MUSK: variants seen among roughly 807,000 people sequenced by gnomAD.
The protein encoded by MUSK is muscle associated receptor tyrosine kinase.
Under a neutral mutation model 88.7 loss-of-function variants are expected in MUSK, and 55 were observed. That is an observed-to-expected ratio of 0.62 (90% CI 0.50 to 0.78). The LOEUF (loss-of-function observed/expected upper bound fraction) is 0.78, where lower values mean the gene tolerates loss of function less well. MUSK is among the 30% of genes least tolerant of loss of function. The pLI is 0.00. For missense variants in MUSK, 1,015 were observed against 1,074.3 expected (o/e 0.94, Z 0.77); for synonymous variants, 387 against 391.9 (o/e 0.99, Z 0.15).
At chr9:110,756,841 G>A (rs183792300) in intron 7 of MUSK, among the ~76,000 whole-genome samples, 1 of 150,022 alleles carries the variant, frequency 6.7e-6, no homozygotes, top group Non-Finnish European at 1.5e-5. Flanking sequence ...ATGTCAAGTT[G>A]TATGTGTGTG....
At chr9:110,725,391 T>C (rs1587958388) in intron 5 of MUSK, among the ~76,000 whole-genome samples, 1 of 152,168 alleles carries the variant, frequency 6.6e-6, no homozygotes, top group Admixed American at 6.6e-5. Context: ...GATTTTGATT[T>C]ACAGATATTC....
At position 110,787,761 on chromosome 9, in the gene MUSK, C is replaced by T; in HGVS notation, c.1850C>T (p.Ala617Val). 6 of 1,613,830 alleles carry T rather than the reference C, an allele frequency of 3.7e-6. No individual in the cohort carries two copies. The highest frequency in any genetic ancestry group is 5.1e-6 in the Non-Finnish European group (6 of 1,179,814). Residue 617 changes from alanine to valine, a missense_variant, in exon 14 of 15, where the codon GCA becomes GTA. Physicochemically the swap from Ala to Val is moderately conservative, Grantham distance 64. Coordinates refer to ENST00000374448, the MANE Select transcript of MUSK (RefSeq NM_005592.4). The part of the protein sequence containing the change: ...AVKMLKEEAS[A>V]DMQADFQREA... ...AAGATGCTCAAAGAAGAAGCCTCGGCAGATATGCAAGCGGACTTTCAGAGG... is the reference window on the plus strand; with the variant it reads ...AAGATGCTCAAAGAAGAAGCCTCGGTAGATATGCAAGCGGACTTTCAGAGG...
chr9:110,740,520 C>A (rs1228352633), intron 6 of MUSK, among the ~76,000 whole-genome samples: 1 of 152,034 alleles, frequency 6.6e-6, no homozygotes, highest in African/African-American at 2.4e-5. Context: ...CTTTTATAGA[C>A]CATTATAAGG....
chr9:110,706,583 C>T (rs926837159), intron 5 of MUSK, among the ~76,000 whole-genome samples: 3 of 152,114 alleles, frequency 2.0e-5, no homozygotes, highest in Non-Finnish European at 4.4e-5. Flanking sequence ...GGCAGTGGAA[C>T]ATGCTGATTT....
chr9:110,711,731 G>A (rs2076674057), intron 5 of MUSK, among the ~76,000 whole-genome samples: 1 of 152,098 alleles, frequency 6.6e-6, no homozygotes. Context: ...TGATGCACCT[G>A]TGTAAAGAAC....
intron 1 of MUSK, among the ~76,000 whole-genome samples, chr9:110,680,217 C>T (rs1431784749): frequency 2.6e-5 from 4 of 152,000 alleles, no homozygotes; most frequent in African/African-American, 7.2e-5. Flanking sequence ...TAGCCTATTG[C>T]CTTTTGGTAT....
At chr9:110,708,580 G>A (rs1192578505) in intron 5 of MUSK, among the ~76,000 whole-genome samples, 2 of 152,154 alleles carry the variant, frequency 1.3e-5, no homozygotes, top group Non-Finnish European at 2.9e-5. Context: ...TGATTTAATA[G>A]GATGCATGTT....
At chr9:110,709,321 G>A (rs141111752) in intron 5 of MUSK, among the ~76,000 whole-genome samples, 5 of 152,120 alleles carry the variant, frequency 3.3e-5, no homozygotes, top group African/African-American at 1.2e-4. Context: ...TTAATATAGT[G>A]GTTAATAACA....
chr9:110,678,404 A>G (rs1194870594), intron 1 of MUSK, among the ~76,000 whole-genome samples: 1 of 152,058 alleles, frequency 6.6e-6, no homozygotes, highest in Non-Finnish European at 1.5e-5. Context: ...TCAGCCTCCC[A>G]AAGTGTTGAG....
intron 5 of MUSK, among the ~76,000 whole-genome samples, chr9:110,715,122 G>A (rs1368739651): frequency 6.7e-6 from 1 of 149,702 alleles, no homozygotes; most frequent in Non-Finnish European, 1.5e-5. Context: ...TTCTCCCTTT[G>A]AAGTCCGCTA....
chr9:110,790,894 G>A (rs939846584), intron 14 of MUSK, among the ~76,000 whole-genome samples: 3 of 152,196 alleles, frequency 2.0e-5, no homozygotes, highest in Non-Finnish European at 2.9e-5. Flanking sequence ...GCATAGACTC[G>A]TTAAGAGGAG....
intron 1 of MUSK, among the ~76,000 whole-genome samples, chr9:110,677,803 A>G (rs1051657003): frequency 1.1e-4 from 16 of 152,164 alleles, no homozygotes; most frequent in African/African-American, 3.9e-4. Context: ...TTCCGACTCT[A>G]CTAATGGTTT....
intron 7 of MUSK, 85 bp from the exon 8 acceptor site, chr9:110,762,117 C>A: frequency 8.4e-6 from 10 of 1,196,164 alleles, no homozygotes; most frequent in South Asian, 2.8e-5. Flanking sequence ...CAATCTCAGC[C>A]AAAGCATAAG....
chr9:110,674,613 T>A (rs531773668), intron 1 of MUSK, among the ~76,000 whole-genome samples: 28 of 151,968 alleles, frequency 1.8e-4, no homozygotes, highest in Admixed American at 1.8e-3. Flanking sequence ...GATGATGATA[T>A]TATTATTATT....
intron 11 of MUSK, among the ~76,000 whole-genome samples, chr9:110,784,354 ATTAAC>A (rs1453701692): frequency 6.6e-6 from 1 of 152,118 alleles, no homozygotes; most frequent in Non-Finnish European, 1.5e-5. Context: ...TTTTAGATGA[ATTAAC>A]TTCTCATTTG....
At chr9:110,774,880 CACACACACACACTCTT>C (rs1384598479) in intron 9 of MUSK, among the ~76,000 whole-genome samples, 1 of 138,140 alleles carries the variant, frequency 7.2e-6, no homozygotes, top group African/African-American at 3.0e-5. Context: ...CACACACACA[CACACACACACACTCTT>C]ACAATTTCCT....
intron 1 of MUSK, among the ~76,000 whole-genome samples, chr9:110,676,531 T>C (rs3001137): frequency 0.5 from 75,657 of 151,400 alleles, 19,367 homozygotes; most frequent in African/African-American, 0.57. Flanking sequence ...TTAGCTATTT[T>C]TCATAATGCT....
At chr9:110,740,174 A>G (rs1455821245) in intron 6 of MUSK, among the ~76,000 whole-genome samples, 1 of 152,162 alleles carries the variant, frequency 6.6e-6, no homozygotes, top group Admixed American at 6.5e-5. Context: ...GAACTATTTC[A>G]TGTCTTCATG....
At chr9:110,775,536 CG>C in intron 9 of MUSK, 1 of 480,660 alleles carries the variant, frequency 2.1e-6, no homozygotes, top group East Asian at 4.0e-5. Flanking sequence ...TTAAATTTGA[CG>C]TTTTTTTCCC....
Sources: gnomAD v4.1 joint callset for allele counts (sites outside exome capture counted in the v4.1 genomes callset) on GRCh38, gnomAD v4.1.1 for gene constraint, MANE v1.5 for transcripts, NCBI Gene and HGNC (gene_info 2026-07-23, HGNC 2026-07-21) for gene names.